Variants in UBE2O observed in about 807,000 individuals in gnomAD.
UBE2O encodes the protein ubiquitin conjugating enzyme E2 O.
UBE2O carries 15 observed loss-of-function variants against 125.8 expected under a neutral mutation model. The ratio of observed to expected loss-of-function variants is 0.12; its 90% CI spans 0.08 to 0.18. The LOEUF (loss-of-function observed/expected upper bound fraction) is 0.18. Ranked by LOEUF, UBE2O falls within the 10% of genes least tolerant of loss-of-function variation. The pLI is 1.00. For synonymous variants in UBE2O, 708 were observed against 703.2 expected (o/e 1.01, Z -0.11); for missense variants, 1,280 against 1,723.6 (o/e 0.74, Z 4.56).
At chr17:76,401,218 C>G in intron 5 of UBE2O, 64 bp from the exon 6 acceptor site, 2 of 1,576,738 alleles carry the variant, frequency 1.3e-6, no homozygotes, top group Non-Finnish European at 1.7e-6. Flanking sequence ...ACCATGCTCT[C>G]CACGCCTGTG....
In UBE2O at chr17:76,389,804, T is replaced by G. The variant is rs1008136402; in HGVS notation, c.*1139A>C. The G allele has an allele frequency of 4.6e-5, 7 of 152,424 alleles. No individual in the cohort carries two copies. The highest frequency in any genetic ancestry group is 2.1e-4 in the South Asian group (1 of 4,832). The allele number at this position is 152,424 out of a possible 1,614,324, so 9.4% of individuals were successfully genotyped here. On this transcript the variant is annotated 3_prime_UTR_variant, in exon 18 of 18. Transcript: ENST00000319380. The stretch of plus-strand genomic sequence containing the variant: ...ACGCATCATGCTTTGGCTTTTTTTT[T>G]GTCTTTTTTTCTAATAAGAGTTAAT...
intron 1 of UBE2O, among the ~76,000 whole-genome samples, chr17:76,406,887 A>C (rs1370266261): frequency 1.3e-5 from 2 of 151,844 alleles, no homozygotes; most frequent in African/African-American, 4.8e-5. Context: ...TTTAGTAGAG[A>C]TGGGGCTTCA....
Position 76,395,657 on chromosome 17 carries a change from T to C in UBE2O, c.2946+68A>G, listed in dbSNP as rs987949045. The stretch of plus-strand genomic sequence containing the variant: ...GCCCCGGAGGTTTGGGGACCCAAGG[T>C]TGGTGGCCTCTTGGGCACTGGGTGC... On this transcript the variant is annotated intron_variant, in intron 15 of 17. Transcript: ENST00000319380. This position sits in a 1 kb window ranked among gnomAD's most constrained non-coding sequence, Gnocchi z 5.0. 2.3e-5 allele frequency: 36 copies of C among 1,544,320 alleles called. No homozygotes were observed. The African/African-American group carries it at 3.3e-4, about 14-fold the overall frequency.
intron 1 of UBE2O, among the ~76,000 whole-genome samples, chr17:76,436,124 G>A (rs2072993643): frequency 6.6e-6 from 1 of 152,162 alleles, no homozygotes; most frequent in Non-Finnish European, 1.5e-5. Context: ...GTGTGCACCT[G>A]TAATCCCAGC....
Position 76,451,550 on chromosome 17 carries a change from C to A in UBE2O, c.417+1175G>T, listed in dbSNP as rs1411141339. ...GAGTGGGGCCTTTTTCCTTCTCAAG[C>A]CGTTGTCACAGACCCCGCTTTGTAG... On this transcript the variant is annotated intron_variant, in intron 1 of 17. Coordinates refer to ENST00000319380, the MANE Select transcript of UBE2O (RefSeq NM_022066.4). 2.0e-5 allele frequency among the ~76,000 whole-genome samples: 3 copies of A among 152,148 alleles called. No individual in the cohort carries two copies. The East Asian group carries it at 5.8e-4, about 29-fold the overall frequency.
intron 1 of UBE2O, among the ~76,000 whole-genome samples, chr17:76,450,090 A>C (rs2073214242): frequency 6.6e-6 from 1 of 152,034 alleles, no homozygotes; most frequent in African/African-American, 2.4e-5. Flanking sequence ...CTCAAAAAAA[A>C]AAAAAAATCT....
intron 1 of UBE2O, among the ~76,000 whole-genome samples, chr17:76,428,051 T>C (rs1329467005): frequency 5.9e-5 from 9 of 152,228 alleles, no homozygotes; most frequent in African/African-American, 1.7e-4. Flanking sequence ...TCTGTTGTTA[T>C]AGCTTATATA....
chr17:76,414,758 G>A (rs191253452), intron 1 of UBE2O, among the ~76,000 whole-genome samples: 16 of 152,322 alleles, frequency 1.1e-4, no homozygotes, highest in South Asian at 6.2e-4. Flanking sequence ...GGGGGCCAGC[G>A]GGCTGGTCTC....
At chr17:76,441,611 G>A (rs1355223470) in intron 1 of UBE2O, among the ~76,000 whole-genome samples, 1 of 152,208 alleles carries the variant, frequency 6.6e-6, no homozygotes, top group African/African-American at 2.4e-5. Flanking sequence ...TCAAAAGACA[G>A]TCCCAGCCAG....
At chr17:76,417,267 GA>G (rs1486183571) in intron 1 of UBE2O, among the ~76,000 whole-genome samples, 1 of 152,218 alleles carries the variant, frequency 6.6e-6, no homozygotes, top group African/African-American at 2.4e-5. Context: ...CAGGCCAGCC[GA>G]AAGTCAACGA....
Position 76,402,522 on chromosome 17 carries a change from G to T in UBE2O, c.686+80C>A. Reference sequence around the variant, plus strand: ...ATCAAACCTGTCATCACTGTCCCCAGGAGGAAACACCCTCCTCCTCCCCTC... The same window carrying T: ...ATCAAACCTGTCATCACTGTCCCCATGAGGAAACACCCTCCTCCTCCCCTC... On this transcript the variant is annotated intron_variant, in intron 4 of 17. Coordinates refer to ENST00000319380, the MANE Select transcript of UBE2O (RefSeq NM_022066.4). The surrounding 1 kb of genome is among the most constrained non-coding windows in gnomAD (Gnocchi z 5.4). 8.0e-7 allele frequency: 1 copy of T among 1,251,022 alleles called. No homozygotes were observed. The highest frequency in any genetic ancestry group is 1.2e-6 in the Non-Finnish European group (1 of 852,286). 77.5% of individuals were successfully genotyped at this position (1,251,022 alleles called of 1,614,324 possible). A position where few individuals can be genotyped will look rare whatever the true frequency, so the allele number is the denominator to read the frequency against.
chr17:76,423,846 G>C (rs1349717044), intron 1 of UBE2O, among the ~76,000 whole-genome samples: 5 of 149,694 alleles, frequency 3.3e-5, no homozygotes, highest in Non-Finnish European at 7.4e-5. Context: ...CAGGAGAGGA[G>C]ACTTCCTCTC....
chr17:76,424,681 C>G (rs2072775144), intron 1 of UBE2O, among the ~76,000 whole-genome samples: 1 of 151,776 alleles, frequency 6.6e-6, no homozygotes, highest in Admixed American at 6.6e-5. Flanking sequence ...TCAAGACCAG[C>G]CTGGGCAACA....
intron 1 of UBE2O, among the ~76,000 whole-genome samples, chr17:76,451,080 A>G (rs2073233501): frequency 1.3e-5 from 2 of 152,250 alleles, no homozygotes; most frequent in South Asian, 4.1e-4. Context: ...CCCAGTAGTG[A>G]GCTGGGCCTA....
intron 1 of UBE2O, among the ~76,000 whole-genome samples, chr17:76,446,825 T>C (rs927837305): frequency 3.3e-5 from 5 of 152,222 alleles, no homozygotes; most frequent in African/African-American, 9.6e-5. Flanking sequence ...CAGTTCAGTG[T>C]TGGAATGAAT....
intron 1 of UBE2O, among the ~76,000 whole-genome samples, chr17:76,451,151 C>T (rs965712500): frequency 1.3e-5 from 2 of 152,106 alleles, no homozygotes; most frequent in African/African-American, 2.4e-5. Context: ...AAATGAGTTG[C>T]GTTCCAAAAA....
At chr17:76,449,327 CA>C (rs1476343188) in intron 1 of UBE2O, among the ~76,000 whole-genome samples, 1 of 152,250 alleles carries the variant, frequency 6.6e-6, no homozygotes, top group African/African-American at 2.4e-5. Context: ...GTAATTCCAG[CA>C]CTTGGGGAGG....
rs772740628 is a variant in UBE2O, at chr17:76,396,171, G to T, written c.2766C>A (p.Thr922=). 6.8e-6 allele frequency: 11 copies of T among 1,613,472 alleles called. No individual in the cohort carries two copies. The highest frequency in any genetic ancestry group is 1.3e-5 in the African/African-American group (1 of 74,922). Residue 922 remains threonine (T), a synonymous_variant, in exon 14 of 18, where the codon ACC becomes ACA. Coordinates refer to ENST00000319380, the MANE Select transcript of UBE2O (RefSeq NM_022066.4). This position sits in a 1 kb window ranked among gnomAD's most constrained non-coding sequence, Gnocchi z 6.7. The stretch of plus-strand genomic sequence containing the variant: ...CGGAGAAGACCTCGCCCTTGGCGCT[G>T]GTGAAGGTGACGCCAGGCTTGCCGC... ...QCGGKPGVTF[T]SAKGEVFSVL...
intron 1 of UBE2O, among the ~76,000 whole-genome samples, chr17:76,449,358 T>G (rs1311467984): frequency 6.6e-6 from 1 of 152,258 alleles, no homozygotes; most frequent in Non-Finnish European, 1.5e-5. Context: ...GTGAATCACT[T>G]GAGGCCAGAA....
Sources: allele counts gnomAD v4.1 joint callset (sites outside exome capture counted in the v4.1 genomes callset), GRCh38; gene constraint gnomAD v4.1.1; non-coding constraint Gnocchi (gnomAD v3.1); transcripts MANE v1.5; gene names NCBI Gene and HGNC (gene_info 2026-07-23, HGNC 2026-07-21).